The following NRXN3 variants were observed in gnomAD, a reference collection of about 807,000 sequenced individuals.
NRXN3 encodes the protein neurexin 3, also known as neurexin III.
In NRXN3, 32 loss-of-function variants were observed where a neutral mutation model predicts 137.6. The ratio of observed to expected loss-of-function variants is 0.23; its 90% CI spans 0.18 to 0.31. The LOEUF is 0.31. Ranked by LOEUF, NRXN3 falls within the 10% of genes least tolerant of loss-of-function variation. The probability of loss-of-function intolerance (pLI) is 1.00; values close to 1 mark genes in which losing one functional copy is unlikely to be tolerated. For synonymous variants in NRXN3, 798 were observed against 784.5 expected (o/e 1.02, Z -0.29); for missense variants, 1,574 against 2,062.5 (o/e 0.76, Z 4.59).
intron 4 of NRXN3, among the ~76,000 whole-genome samples, chr14:78,429,668 G>A (rs891744575): frequency 6.6e-5 from 10 of 152,176 alleles, no homozygotes; most frequent in Non-Finnish European, 1.0e-4. Flanking sequence ...GCCAGCTCCT[G>A]CTCCATTCTC....
chr14:78,668,075 C>T (rs551143989), intron 6 of NRXN3, among the ~76,000 whole-genome samples: 3 of 152,234 alleles, frequency 2.0e-5, no homozygotes, highest in East Asian at 1.9e-4. Flanking sequence ...CGTGAGCCAC[C>T]GCGCCTGACC....
At chr14:79,704,695 C>T (rs907394009) in intron 19 of NRXN3, among the ~76,000 whole-genome samples, 2 of 152,140 alleles carry the variant, frequency 1.3e-5, no homozygotes, top group Non-Finnish European at 2.9e-5. Context: ...CTTTAGCTGC[C>T]AGCCAAGAAA....
At chr14:79,393,578 G>A (rs1224812496) in intron 15 of NRXN3, among the ~76,000 whole-genome samples, 3 of 152,162 alleles carry the variant, frequency 2.0e-5, no homozygotes, top group Non-Finnish European at 4.4e-5. Flanking sequence ...ACTTTGGGAG[G>A]CCGAGGCGGG....
At chr14:79,154,829 A>G (rs1054480929) in intron 15 of NRXN3, among the ~76,000 whole-genome samples, 3 of 152,060 alleles carry the variant, frequency 2.0e-5, no homozygotes, top group Non-Finnish European at 2.9e-5. Context: ...ACGTAATCCA[A>G]TGCAACTTCG....
intron 18 of NRXN3, among the ~76,000 whole-genome samples, chr14:79,696,037 G>A (rs565445706): frequency 1.6e-3 from 243 of 152,084 alleles, no homozygotes; most frequent in African/African-American, 5.7e-3. Context: ...GGCACTATGA[G>A]TTGCCTAGTG....
intron 15 of NRXN3, among the ~76,000 whole-genome samples, chr14:79,031,032 T>C (rs896194012): frequency 6.6e-6 from 1 of 152,138 alleles, no homozygotes; most frequent in Admixed American, 6.6e-5. Flanking sequence ...TGACTTCCCT[T>C]CCCCTTTCTG....
chr14:79,716,028 A>G (rs2098822516), intron 19 of NRXN3, among the ~76,000 whole-genome samples: 1 of 152,228 alleles, frequency 6.6e-6, no homozygotes, highest in Non-Finnish European at 1.5e-5. Context: ...TGGGCTAAAG[A>G]TAGGTCATTC....
intron 15 of NRXN3, among the ~76,000 whole-genome samples, chr14:79,051,982 G>T (rs146288942): frequency 2.6e-5 from 4 of 152,248 alleles, no homozygotes; most frequent in African/African-American, 9.6e-5. Context: ...GAAACAAAAA[G>T]AGGTTTCTTT....
intron 16 of NRXN3, among the ~76,000 whole-genome samples, chr14:79,555,744 T>A (rs1057272429): frequency 3.9e-5 from 6 of 152,166 alleles, no homozygotes; most frequent in African/African-American, 1.4e-4. Flanking sequence ...CTAAATTATG[T>A]TTGTCTTCAT....
intron 9 of NRXN3, among the ~76,000 whole-genome samples, chr14:78,809,973 A>C (rs1369201859): frequency 1.3e-5 from 2 of 151,724 alleles, no homozygotes; most frequent in Non-Finnish European, 2.9e-5. Flanking sequence ...CAAAATTAAT[A>C]TTTCAAAGTC....
intron 15 of NRXN3, among the ~76,000 whole-genome samples, chr14:79,251,064 T>C (rs1354675329): frequency 6.6e-6 from 1 of 152,132 alleles, no homozygotes; most frequent in African/African-American, 2.4e-5. Context: ...ACAGCTGACA[T>C]GATAGGACAG....
chr14:78,535,418 G>C (rs1363369301), intron 4 of NRXN3, among the ~76,000 whole-genome samples: 1 of 152,186 alleles, frequency 6.6e-6, no homozygotes, highest in African/African-American at 2.4e-5. Context: ...AATAGTAAAA[G>C]GATAGAACTT....
intron 4 of NRXN3, among the ~76,000 whole-genome samples, chr14:78,418,452 T>G (rs1482154491): frequency 6.6e-6 from 1 of 152,118 alleles, no homozygotes; most frequent in East Asian, 1.9e-4. Flanking sequence ...CATTCCCACA[T>G]TGGTAGCTAA....
intron 4 of NRXN3, among the ~76,000 whole-genome samples, chr14:78,340,066 G>A (rs2081981748): frequency 6.6e-6 from 1 of 152,230 alleles, no homozygotes; most frequent in South Asian, 2.1e-4. Context: ...GGCTTAGAAA[G>A]CAGGTCTCAT....
intron 1 of NRXN3, among the ~76,000 whole-genome samples, chr14:78,237,310 A>T (rs1447018510): frequency 6.6e-6 from 1 of 152,226 alleles, no homozygotes; most frequent in Non-Finnish European, 1.5e-5. Context: ...AACTTGCTAA[A>T]GGAAAAAAAG....
At position 78,709,233 on chromosome 14, in the gene NRXN3, A is replaced by G. The variant is rs528492438; in HGVS notation, c.1238A>G (p.Asn413Ser). The G allele has an allele frequency of 1.2e-6, 2 of 1,612,574 alleles. No homozygotes were observed. The highest frequency in any genetic ancestry group is 1.7e-6 in the Non-Finnish European group (2 of 1,179,378). ...TTTTGACAGGTTGTTTATAAGAATA[A>G]TGACATCCGTCTGGAGCTGTCTCGC... is the stretch of plus-strand genomic sequence containing the variant. The part of the protein sequence containing the change: ...GCLKEVVYKN[N>S]DIRLELSRLA... The change falls in exon 7 of 21, where the codon AAT becomes AGT. Residue 413 changes from asparagine (N) to serine (S), a missense_variant. Around this residue, in one of 5 missense-constraint regions of NRXN3, gnomAD observed 3 missense variants for 18.7 expected, o/e 0.16. Transcript: ENST00000335750.
chr14:78,370,018 T>C (rs887894), intron 4 of NRXN3, among the ~76,000 whole-genome samples: 148,726 of 151,978 alleles, frequency 0.98, 72,825 homozygotes, highest in Non-Finnish European at 1. Flanking sequence ...TATTTGAGGT[T>C]CGTCTTTTTC....
intron 15 of NRXN3, among the ~76,000 whole-genome samples, chr14:79,380,966 A>G (rs1452315619): frequency 6.6e-6 from 1 of 152,042 alleles, no homozygotes; most frequent in South Asian, 2.1e-4. Context: ...GAAGGGGATA[A>G]TGTAGTTGAG....
At chr14:79,537,070 C>T (rs948920397) in intron 16 of NRXN3, among the ~76,000 whole-genome samples, 4 of 152,108 alleles carry the variant, frequency 2.6e-5, no homozygotes, top group Non-Finnish European at 5.9e-5. Flanking sequence ...ATTTACATTC[C>T]CACCAACAGT....
Sources: gnomAD v4.1 joint callset for allele counts (sites outside exome capture counted in the v4.1 genomes callset) on GRCh38, gnomAD v4.1.1 for gene constraint, gnomAD v4.1.1 regional missense constraint, MANE v1.5 for transcripts, NCBI Gene and HGNC (gene_info 2026-07-23, HGNC 2026-07-21) for gene names.